Variants in ADAP1 observed in about 807,000 individuals in gnomAD.
The protein encoded by ADAP1 is arf-GAP with dual PH domain-containing protein 1.
A neutral mutation model predicts 54.9 loss-of-function variants in ADAP1; 31 were observed. That is an observed-to-expected ratio of 0.56 (90% CI 0.42 to 0.76). ADAP1 has a LOEUF of 0.76. ADAP1 is among the 30% of genes least tolerant of loss of function. The probability of loss-of-function intolerance (pLI) is 0.00; values close to 1 mark genes in which losing one functional copy is unlikely to be tolerated. For missense variants in ADAP1, 535 were observed against 512.4 expected, an observed-to-expected ratio of 1.04 and a Z score of -0.42; for synonymous variants, 313 against 202.6, an observed-to-expected ratio of 1.55 and a Z score of -4.63.
chr7:932,328 G>A (rs1583175233), intron 2 of ADAP1, among the ~76,000 whole-genome samples: 1 of 152,226 alleles, frequency 6.6e-6, no homozygotes, highest in East Asian at 1.9e-4. Flanking sequence ...CACCAAGTTG[G>A]CCCCTGTCCT....
intron 2 of ADAP1, among the ~76,000 whole-genome samples, chr7:933,248 G>A (rs1218923811): frequency 6.6e-6 from 1 of 151,724 alleles, no homozygotes; most frequent in Non-Finnish European, 1.5e-5. Flanking sequence ...TCCAGCCTGG[G>A]CGACGAAGCC....
At chr7:949,800 CA>C (rs1351776937) in intron 1 of ADAP1, among the ~76,000 whole-genome samples, 1 of 150,578 alleles carries the variant, frequency 6.6e-6, no homozygotes, top group Non-Finnish European at 1.5e-5. Flanking sequence ...CACACCCGGC[CA>C]CAGGGCAGGC....
chr7:915,708 G>A (rs1448908172), intron 4 of ADAP1, among the ~76,000 whole-genome samples: 1 of 152,154 alleles, frequency 6.6e-6, no homozygotes, highest in African/African-American at 2.4e-5. Flanking sequence ...TTCCAGTTGG[G>A]CAGCCTCGGG....
intron 8 of ADAP1, among the ~76,000 whole-genome samples, chr7:899,771 C>A (rs906965805): frequency 1.3e-5 from 2 of 152,032 alleles, no homozygotes; most frequent in African/African-American, 4.8e-5. Flanking sequence ...TGCACTTCTC[C>A]TCCGGGACCA....
Position 900,535 on chromosome 7 carries a change from C to A in ADAP1, c.730G>T (p.Asp244Tyr), listed in dbSNP as rs1464685311. 2 of 1,600,020 alleles carry A rather than the reference C, an allele frequency of 1.2e-6. No individual in the cohort carries two copies. The highest frequency in any genetic ancestry group is 1.7e-6 in the Non-Finnish European group (2 of 1,172,886). Residue 244 changes from aspartate to tyrosine, a missense_variant and splice_region_variant, in exon 7 of 11, where the codon GAT becomes TAT. Transcript: ENST00000265846. The stretch of plus-strand genomic sequence containing the variant: ...CTGACCGCAGGGCCGCCACTCACAT[C>A]TGCGTCGCCGGCCCCTGGGAATGCC... ...QVAFPGAGDA[D>Y]LVPKLSRNYL... is the part of the protein sequence containing the mutation.
intron 2 of ADAP1, chr7:935,102 C>A: frequency 1.7e-6 from 1 of 584,708 alleles, no homozygotes; most frequent in South Asian, 1.5e-5. Flanking sequence ...TCCCAGGGCA[C>A]GGGAATCGGC....
Position 954,523 on chromosome 7 carries a change from G to T in ADAP1, c.-46C>A. The T allele has an allele frequency of 1.0e-6, 1 of 1,002,942 alleles. No homozygotes were observed. Among genetic ancestry groups the T allele is most frequent in the Non-Finnish European group, 1.2e-6 (1 of 843,554 alleles). 62.1% of individuals were successfully genotyped at this position (1,002,942 alleles called of 1,614,324 possible). On this transcript the variant is annotated 5_prime_UTR_variant, in exon 1 of 11. Coordinates refer to ENST00000265846, the MANE Select transcript of ADAP1 (RefSeq NM_006869.4). The stretch of plus-strand genomic sequence containing the variant: ...GCCGATGCCGGGGCCGGGGCCGGGA[G>T]CGTCAGCCCGGCTCGCTAGGGCCCC...
chr7:906,708 ACGGG>A (rs1562915345), intron 4 of ADAP1, among the ~76,000 whole-genome samples: 4 of 28,912 alleles, frequency 1.4e-4, no homozygotes, highest in Non-Finnish European at 2.4e-4. Flanking sequence ...GACATGGGGG[ACGGG>A]ACATCGGGGA....
chr7:905,906 A>AAGGGAGAAGGGAGAAGGGAGAAGGGAG (rs1845252241), intron 4 of ADAP1, among the ~76,000 whole-genome samples: 1 of 33,238 alleles, frequency 3.0e-5, no homozygotes, highest in African/African-American at 9.6e-5. Flanking sequence ...GAGAAAGGAG[A>AAGGGAGAAGGGAGAAGGGAGAAGGGAG]AAGGGAAAGG....
At chr7:905,700 AG>A (rs1562912650) in intron 4 of ADAP1, 1 of 138,700 alleles carries the variant, frequency 7.2e-6, no homozygotes, top group African/African-American at 2.9e-5. Flanking sequence ...GAAAGGAGAA[AG>A]GAGAAAGGAG....
At chr7:928,633 G>C (rs1020387511) in intron 2 of ADAP1, among the ~76,000 whole-genome samples, 5 of 152,160 alleles carry the variant, frequency 3.3e-5, no homozygotes, top group African/African-American at 7.2e-5. Flanking sequence ...AGCTGTCAGG[G>C]GAACGCAGAT....
At chr7:905,753 A>AAG (rs1845216330) in intron 4 of ADAP1, 1 of 79,294 alleles carries the variant, frequency 1.3e-5, no homozygotes, top group African/African-American at 4.9e-5. Flanking sequence ...AGAAGGGAGA[A>AAG]GGGAGAAGGG....
chr7:953,084 C>T (rs1019661834), intron 1 of ADAP1, among the ~76,000 whole-genome samples: 3 of 152,192 alleles, frequency 2.0e-5, no homozygotes, highest in Non-Finnish European at 4.4e-5. Context: ...CCACAGCAAC[C>T]CCAGGCCAGG....
At chr7:927,255 C>T (rs935385729) in intron 2 of ADAP1, 3 of 1,247,930 alleles carry the variant, frequency 2.4e-6, no homozygotes, top group East Asian at 5.8e-5. Context: ...AGGAGGCTGT[C>T]GTTCCAGGAG....
upstream of ADAP1, among the ~76,000 whole-genome samples, chr7:954,965 G>A (rs184057672): frequency 6.6e-6 from 1 of 152,146 alleles, no homozygotes; most frequent in African/African-American, 2.4e-5. Flanking sequence ...TGTGGGGGGC[G>A]CAGAGGGCAC....
chr7:953,160 G>T (rs976890955), intron 1 of ADAP1, among the ~76,000 whole-genome samples: 3 of 152,256 alleles, frequency 2.0e-5, no homozygotes, highest in African/African-American at 7.2e-5. Flanking sequence ...TGTGGGGAGA[G>T]AGTCTGGGGT....
At chr7:923,763 T>A (rs7805348) in intron 3 of ADAP1, among the ~76,000 whole-genome samples, 3 of 152,044 alleles carry the variant, frequency 2.0e-5, no homozygotes, top group South Asian at 2.1e-4. Flanking sequence ...CCCGCCACTC[T>A]TAGCTCCTGC....
rs983971240 is a variant in ADAP1, at chr7:904,948, G to T, written c.501+112C>A. 7.7e-6 allele frequency: 7 copies of T among 907,350 alleles called. No homozygotes were observed. The African/African-American group carries it at 8.2e-5, about 11-fold the overall frequency. 56.2% of individuals were successfully genotyped at this position (907,350 alleles called of 1,614,324 possible). On this transcript the variant is annotated intron_variant, in intron 5 of 10. Coordinates refer to ENST00000265846, the MANE Select transcript of ADAP1 (RefSeq NM_006869.4). The stretch of plus-strand genomic sequence containing the variant: ...TTCTCCTGGAGCGTCCCCATCGGGG[G>T]GGGCAGCAGGGAGGGCAGCTGCGGA...
intron 2 of ADAP1, among the ~76,000 whole-genome samples, chr7:933,679 G>GA (rs1846661089): frequency 4.2e-5 from 2 of 47,964 alleles, no homozygotes; most frequent in African/African-American, 7.4e-5. Context: ...AGAGCCGGGG[G>GA]CCGGGGTCAG....
Sources: allele counts gnomAD v4.1 joint callset (sites outside exome capture counted in the v4.1 genomes callset), GRCh38; gene constraint gnomAD v4.1.1; transcripts MANE v1.5; gene names NCBI Gene and HGNC (gene_info 2026-07-23, HGNC 2026-07-21).